Variants in RGS3 observed in about 807,000 individuals in gnomAD.
RGS3 encodes regulator of G-protein signalling 3.
RGS3 carries 80 observed loss-of-function variants against 132.6 expected under a neutral mutation model. That is an observed-to-expected ratio of 0.60 (90% confidence interval 0.50 to 0.73). The LOEUF (loss-of-function observed/expected upper bound fraction) is 0.73. RGS3 is among the 30% of genes least tolerant of loss of function. RGS3 has a pLI of 0.00. For synonymous variants in RGS3, 598 were observed against 620.6 expected (o/e 0.96, Z 0.54); for missense variants, 1,382 against 1,530.8 (o/e 0.90, Z 1.62).
At chr9:113,498,183 A>G in intron 10 of RGS3, 103 bp downstream of exon 8, 1 of 926,624 alleles carries the variant, frequency 1.1e-6, no homozygotes, top group South Asian at 1.4e-5. Flanking sequence ...GGTGCTTGAA[A>G]CTCAGCAAGT....
chr9:113,562,336 G>A (rs1039829803), intron 19 of RGS3, among the ~76,000 whole-genome samples: 2 of 152,122 alleles, frequency 1.3e-5, no homozygotes, highest in African/African-American at 4.8e-5. Context: ...AATCAGCTGG[G>A]TGTGGTGGCG....
intron 13 of RGS3, 29 bp from the exon 12 acceptor site, chr9:113,508,512 G>A (rs755094160): frequency 4.3e-6 from 7 of 1,612,316 alleles, no homozygotes; most frequent in Non-Finnish European, 5.9e-6. Context: ...TCCTGGGGCT[G>A]AGGTGGTTTT....
At chr9:113,518,137 CTGGGATGCTTT>C (rs1373318571) in intron 16 of RGS3, among the ~76,000 whole-genome samples, 2 of 152,200 alleles carry the variant, frequency 1.3e-5, no homozygotes, top group Admixed American at 6.5e-5. Flanking sequence ...GGGAGCTGGC[CTGGGATGCTTT>C]TCTCTAATTG....
In RGS3 at chr9:113,507,214, C is replaced by A; in HGVS notation, c.1086-73C>A. On this transcript the variant is annotated intron_variant, in intron 12 of 24. Coordinates refer to ENST00000350696, the Ensembl canonical transcript of RGS3. The surrounding 1 kb of genome is among the most constrained non-coding windows in gnomAD (Gnocchi z 5.0). ...CTCTTCCCCCATTATCCTCTCTGCC[C>A]TGTGGGCCCTCACTCTGGCTGATAC... 8.0e-7 allele frequency: 1 copy of A among 1,252,456 alleles called. No homozygotes were observed. Among genetic ancestry groups the A allele is most frequent in the Non-Finnish European group, 1.1e-6 (1 of 890,520 alleles). 77.6% of individuals were successfully genotyped at this position (1,252,456 alleles called of 1,614,324 possible). A position where few individuals can be genotyped will look rare whatever the true frequency, so the allele number is the denominator to read the frequency against.
chr9:113,577,368 A>G (rs1038799962), intron 19 of RGS3, among the ~76,000 whole-genome samples: 1 of 152,142 alleles, frequency 6.6e-6, no homozygotes, highest in South Asian at 2.1e-4. Context: ...CTTATTGCCA[A>G]CCTCCCTAGT....
At chr9:113,486,994 T>C (rs934267279) in intron 7 of RGS3, among the ~76,000 whole-genome samples, 3 of 152,152 alleles carry the variant, frequency 2.0e-5, no homozygotes, top group African/African-American at 7.2e-5. Flanking sequence ...CGATAGAGAC[T>C]TGGAGCTGAG....
chr9:113,501,524 C>A, intron 10 of RGS3: 1 of 1,534,278 alleles, frequency 6.5e-7, no homozygotes. Context: ...GCTCCCGCTG[C>A]TGGGGGAGAG....
intron 4 of RGS3, among the ~76,000 whole-genome samples, chr9:113,481,744 C>T (rs1003617628): frequency 6.6e-6 from 1 of 152,212 alleles, no homozygotes. Context: ...AACCCTAGGG[C>T]TCAATGAAAA....
In RGS3 at chr9:113,463,849, A is replaced by G. The variant is rs1371974771; in HGVS notation, c.415+1648A>G. The stretch of plus-strand genomic sequence containing the variant: ...GTCTCCCTCGGGAGCCGGCGTGCCC[A>G]CCCGGACTTGTCCTTCTACCTCACC... On this transcript the variant is annotated intron_variant, in intron 3 of 24. Transcript: ENST00000350696. This position sits in a 1 kb window ranked among gnomAD's most constrained non-coding sequence, Gnocchi z 4.6. 6.2e-7 allele frequency: 1 copy of G among 1,613,056 alleles called. No individual in the cohort carries two copies. The highest frequency in any genetic ancestry group is 1.3e-5 in the African/African-American group (1 of 75,006).
At chr9:113,485,495 G>T in intron 6 of RGS3, 130 bp from the exon 5 acceptor site, 2 of 633,426 alleles carry the variant, frequency 3.2e-6, no homozygotes, top group Non-Finnish European at 5.7e-6. Context: ...TACTTTATTT[G>T]TAATATAGTT....
chr9:113,596,269 G>A (rs1835772536), intron 24 of RGS3, among the ~76,000 whole-genome samples: 1 of 152,220 alleles, frequency 6.6e-6, no homozygotes, highest in Non-Finnish European at 1.5e-5. Flanking sequence ...GGGAGGCGGA[G>A]GTTGCAGTGA....
At chr9:113,532,641 A>G (rs2118566726) in intron 18 of RGS3, among the ~76,000 whole-genome samples, 1 of 152,352 alleles carries the variant, frequency 6.6e-6, no homozygotes. Flanking sequence ...CAAAACAGGC[A>G]TAATCATGGC....
chr9:113,574,124 A>ATC (rs963628146), intron 19 of RGS3, among the ~76,000 whole-genome samples: 4 of 151,818 alleles, frequency 2.6e-5, no homozygotes, highest in Admixed American at 2.0e-4. Context: ...TCAGTTAATG[A>ATC]TCTCTCTCTC....
intron 21 of RGS3, 125 bp from the exon 20 acceptor site, chr9:113,594,305 A>T (rs778165474): frequency 1.3e-6 from 2 of 1,594,760 alleles, no homozygotes; most frequent in South Asian, 1.1e-5. Flanking sequence ...CTCACTCGCA[A>T]CGGGAACCTG....
intron 5 of RGS3, 131 bp from the exon 4 acceptor site, chr9:113,484,007 T>A (rs1830244331): frequency 1.1e-5 from 6 of 562,522 alleles, no homozygotes; most frequent in Non-Finnish European, 1.9e-5. Flanking sequence ...CAGGGGACTC[T>A]ATTCTGTCCT....
chr9:113,472,296 C>A (rs1031626813), intron 3 of RGS3, among the ~76,000 whole-genome samples: 7 of 152,174 alleles, frequency 4.6e-5, no homozygotes, highest in African/African-American at 1.7e-4. Flanking sequence ...AACACATGCT[C>A]ACACAAACAT....
At chr9:113,496,355 G>A (rs899295888) in intron 8 of RGS3, among the ~76,000 whole-genome samples, 2 of 152,104 alleles carry the variant, frequency 1.3e-5, no homozygotes, top group African/African-American at 4.8e-5. Context: ...CTGGGTCACT[G>A]GTCCCTTATC....
intron 3 of RGS3, among the ~76,000 whole-genome samples, chr9:113,464,568 C>A (rs1040301205): frequency 6.6e-6 from 1 of 152,294 alleles, no homozygotes; most frequent in Admixed American, 6.5e-5. Flanking sequence ...AAGGTAACAA[C>A]CCTACCCTTG....
intron 3 of RGS3, among the ~76,000 whole-genome samples, chr9:113,469,523 T>C (rs1396244301): frequency 6.6e-6 from 1 of 152,122 alleles, no homozygotes; most frequent in Non-Finnish European, 1.5e-5. Flanking sequence ...CTTAAACATT[T>C]AAAAAAGTTT....
Sources: allele counts gnomAD v4.1 joint callset (sites outside exome capture counted in the v4.1 genomes callset), GRCh38; gene constraint gnomAD v4.1.1; non-coding constraint Gnocchi (gnomAD v3.1); transcripts MANE v1.5; gene names NCBI Gene and HGNC (gene_info 2026-07-23, HGNC 2026-07-21).